Variants in ARAP2 observed in about 807,000 individuals in gnomAD.
The protein encoded by ARAP2 is ArfGAP with RhoGAP domain, ankyrin repeat and PH domain 2, also known as arf-GAP with Rho-GAP domain, ANK repeat and PH domain-containing protein 2.
A neutral mutation model predicts 194.5 loss-of-function variants in ARAP2; 148 were observed. That is an observed-to-expected ratio of 0.76 (90% CI 0.67 to 0.87). ARAP2 has a LOEUF of 0.87. ARAP2 is among the 40% of genes least tolerant of loss of function. ARAP2 has a pLI of 0.00. For missense variants in ARAP2, 2,128 were observed against 1,989.7 expected, an observed-to-expected ratio of 1.07 and a Z score of -1.32; for synonymous variants, 695 against 683.5, an observed-to-expected ratio of 1.02 and a Z score of -0.26.
intron 19 of ARAP2, among the ~76,000 whole-genome samples, chr4:36,137,109 C>G (rs1352468676): frequency 4.0e-5 from 6 of 151,776 alleles, no homozygotes; most frequent in African/African-American, 7.3e-5. Context: ...AAAATATGTT[C>G]TAAGAATCTT....
At chr4:36,187,690 A>G in intron 7 of ARAP2, 119 bp from the exon 8 acceptor site, 1 of 811,702 alleles carries the variant, frequency 1.2e-6, no homozygotes, top group Non-Finnish European at 1.8e-6. Flanking sequence ...CAAATTTTTT[A>G]AATGCCATAC....
chr4:36,142,155 A>G (rs2109670749), intron 19 of ARAP2, among the ~76,000 whole-genome samples: 1 of 151,804 alleles, frequency 6.6e-6, no homozygotes, highest in South Asian at 2.1e-4. Flanking sequence ...TCACAAAGCA[A>G]TTGAAAATTG....
At position 36,160,620 on chromosome 4, in the gene ARAP2, T is replaced by G. The variant is rs1253064386; in HGVS notation, c.2281A>C (p.Lys761Gln). 6.8e-7 allele frequency: 1 copy of G among 1,474,432 alleles called. No individual in the cohort carries two copies. Among genetic ancestry groups the G allele is most frequent in the Non-Finnish European group, 8.9e-7 (1 of 1,122,622 alleles). 91.3% of individuals were successfully genotyped at this position (1,474,432 alleles called of 1,614,324 possible). A position where few individuals can be genotyped will look rare whatever the true frequency, so the allele number is the denominator to read the frequency against. ...LIELFIVIGNKRANDFWAGNL... is the reference protein window; with the variant it reads ...LIELFIVIGNQRANDFWAGNL... ...CCAGCCCAAAAGTCATTTGCTCTTT[T>G]GTTTCCAATGACAATAAAAAGCTGA... The change falls in exon 13 of 33, where the codon AAA becomes CAA. Residue 761 changes from lysine to glutamine, a missense_variant. Physicochemically the swap from Lys to Gln is moderately conservative, Grantham distance 53 (BLOSUM62 1). Transcript: ENST00000303965.
At chr4:36,136,783 ATGTGTGTGTGTGTGTGTG>A (rs772565955) in intron 19 of ARAP2, among the ~76,000 whole-genome samples, 2 of 143,802 alleles carry the variant, frequency 1.4e-5, no homozygotes, top group African/African-American at 5.3e-5. Context: ...AATCAAATAT[ATGTGTGTGTGTGTGTGTG>A]TGTGTGTGTG....
intron 4 of ARAP2, among the ~76,000 whole-genome samples, chr4:36,046,275 T>C (rs1721818416): frequency 6.6e-6 from 1 of 152,168 alleles, no homozygotes; most frequent in East Asian, 1.9e-4. Flanking sequence ...CTCCACTTCC[T>C]GGACTGAAAC....
chr4:36,216,374 A>T (rs946871564), intron 2 of ARAP2, among the ~76,000 whole-genome samples: 1 of 152,264 alleles, frequency 6.6e-6, no homozygotes, highest in Non-Finnish European at 1.5e-5. Flanking sequence ...GTCGATATCA[A>T]GTGTTGGAAA....
intron 15 of ARAP2, among the ~76,000 whole-genome samples, chr4:36,156,145 G>T (rs1578102253): frequency 6.6e-6 from 1 of 151,606 alleles, no homozygotes; most frequent in South Asian, 2.1e-4. Context: ...AGCTGGGTGT[G>T]GTGGTGGATG....
At chr4:36,027,355 C>T (rs1718100481) in intron 5 of ARAP2, among the ~76,000 whole-genome samples, 1 of 151,832 alleles carries the variant, frequency 6.6e-6, no homozygotes, top group African/African-American at 2.4e-5. Flanking sequence ...GGCTACCATG[C>T]TTCCTCCCAT....
At chr4:36,095,569 C>G (rs1714927269) in intron 27 of ARAP2, among the ~76,000 whole-genome samples, 1 of 152,116 alleles carries the variant, frequency 6.6e-6, no homozygotes, top group South Asian at 2.1e-4. Context: ...ATAAAAGGCT[C>G]TGTGTGCATA....
chr4:36,015,045 T>C (rs529822961), intron 8 of ARAP2, among the ~76,000 whole-genome samples: 1 of 152,194 alleles, frequency 6.6e-6, no homozygotes, highest in Non-Finnish European at 1.5e-5. Context: ...ACAGAGATGT[T>C]AACATAAAGA....
At chr4:36,126,286 TA>T (rs1723882677) in intron 21 of ARAP2, among the ~76,000 whole-genome samples, 1 of 152,008 alleles carries the variant, frequency 6.6e-6, no homozygotes. Flanking sequence ...CCTTAAAATT[TA>T]ACACTACTAC....
At chr4:36,029,086 T>G (rs1166188329) in intron 5 of ARAP2, among the ~76,000 whole-genome samples, 1 of 152,062 alleles carries the variant, frequency 6.6e-6, no homozygotes, top group Non-Finnish European at 1.5e-5. Context: ...AATTTGTATG[T>G]AAACACACAC....
chr4:36,011,241 T>A (rs1305948382), intron 9 of ARAP2, among the ~76,000 whole-genome samples: 2 of 152,120 alleles, frequency 1.3e-5, no homozygotes, highest in Non-Finnish European at 2.9e-5. Context: ...TCATCTACTG[T>A]AAAACCTCAA....
intron 9 of ARAP2, among the ~76,000 whole-genome samples, chr4:36,176,260 C>T (rs1388118965): frequency 6.6e-6 from 1 of 152,058 alleles, no homozygotes; most frequent in African/African-American, 2.4e-5. Context: ...TGTCTTCCTC[C>T]TATATTTGTG....
downstream of ARAP2, among the ~76,000 whole-genome samples, chr4:36,063,334 G>A (rs1724773588): frequency 6.6e-6 from 1 of 151,392 alleles, no homozygotes; most frequent in Non-Finnish European, 1.5e-5. Context: ...GGGAGGGATA[G>A]CATTAGGAGA....
In ARAP2 at chr4:36,210,514, A is replaced by G. The variant is rs1356663296; in HGVS notation, c.1363T>C (p.Ser455Pro). ...SVNRHSYPLSSTSGNADSSAV... is the reference protein window; with the variant it reads ...SVNRHSYPLSPTSGNADSSAV... The stretch of plus-strand genomic sequence containing the variant: ...GATGAATCAGCATTTCCACTTGTTG[A>G]GCTTAACGGATAACTGTGCCTATTA... Residue 455 changes from serine to proline, a missense_variant, in exon 6 of 33, where the codon TCA (serine) becomes CCA (proline). Coordinates refer to ENST00000303965, the MANE Select transcript of ARAP2 (RefSeq NM_015230.4). The G allele has an allele frequency of 6.2e-7, 1 of 1,613,946 alleles. No individual in the cohort carries two copies. The highest frequency in any genetic ancestry group is 8.5e-7 in the Non-Finnish European group (1 of 1,179,882).
rs373137260 is a variant in ARAP2, at chr4:36,198,081, C to T, written c.1488-4434G>A. On this transcript the variant is annotated intron_variant, in intron 6 of 32. Transcript: ENST00000303965. ...TGCTGTGTCCAGAAAGAAGGAGGTACGCAGACAAGTGGAGGGTGAGCAAGG... is the reference window on the plus strand; with the variant it reads ...TGCTGTGTCCAGAAAGAAGGAGGTATGCAGACAAGTGGAGGGTGAGCAAGG... 1.4e-4 allele frequency among the ~76,000 whole-genome samples: 21 copies of T among 152,278 alleles called. No individual in the cohort carries two copies. In the South Asian group the frequency reaches 3.3e-3, roughly 24 times the overall value.
rs71199694 is a variant in ARAP2, at chr4:36,017,564, T to TAAAAA, written n.750+1575_750+1579dup. 1.2e-3 allele frequency among the ~76,000 whole-genome samples: 49 copies of TAAAAA among 42,568 alleles called. 9 individuals are homozygous for TAAAAA. Among genetic ancestry groups the TAAAAA allele is most frequent in the African/African-American group, 2.9e-3 (25 of 8,638 alleles). The allele number at this position is 42,568 out of a possible 152,430, so 27.9% of individuals were successfully genotyped here. A position where few individuals can be genotyped will look rare whatever the true frequency, so the allele number is the denominator to read the frequency against. ...TTTAAGCAAAGACCTAAGAAAGTGG[T>TAAAAA]AAAAAAAAAAAAAAAAAAAAAAAGC... is the stretch of plus-strand genomic sequence containing the variant. On this transcript the variant is annotated intron_variant and non_coding_transcript_variant, in intron 6 of 12. Transcript: ENST00000503225.
intron 6 of ARAP2, among the ~76,000 whole-genome samples, chr4:36,200,493 G>A (rs1266508404): frequency 1.3e-5 from 2 of 152,112 alleles, no homozygotes; most frequent in Admixed American, 6.6e-5. Flanking sequence ...AACCTCAGGT[G>A]ATCTAGCTGT....
Sources: allele counts gnomAD v4.1 joint callset (sites outside exome capture counted in the v4.1 genomes callset), GRCh38; gene constraint gnomAD v4.1.1; transcripts MANE v1.5; gene names NCBI Gene and HGNC (gene_info 2026-07-23, HGNC 2026-07-21).